The following USP25 variants were observed in gnomAD, a reference collection of about 807,000 sequenced individuals.
The protein encoded by USP25 is ubiquitin carboxyl-terminal hydrolase 25.
USP25 carries 85 observed loss-of-function variants against 158.5 expected under a neutral mutation model. That is an observed-to-expected ratio of 0.54 (90% confidence interval 0.45 to 0.64). The LOEUF (loss-of-function observed/expected upper bound fraction) is 0.64. USP25 is among the 30% of genes least tolerant of loss of function. The pLI is 0.00. For synonymous variants in USP25, 464 were observed against 460.4 expected, an observed-to-expected ratio of 1.01 and a Z score of -0.10; for missense variants, 1,242 against 1,327.3, an observed-to-expected ratio of 0.94 and a Z score of 1.00.
intron 20 of USP25, among the ~76,000 whole-genome samples, chr21:15,850,425 A>G (rs892348625): frequency 3.9e-5 from 6 of 151,998 alleles, no homozygotes; most frequent in Non-Finnish European, 5.9e-5. Flanking sequence ...TGATTTACCC[A>G]CATCTTTTTC....
At chr21:15,818,063 A>G (rs990421765) in intron 9 of USP25, among the ~76,000 whole-genome samples, 7 of 152,134 alleles carry the variant, frequency 4.6e-5, no homozygotes, top group Non-Finnish European at 8.8e-5. Flanking sequence ...TTACTGCCTT[A>G]AAGTCTTCAT....
intron 4 of USP25, among the ~76,000 whole-genome samples, chr21:15,787,313 G>A (rs1847257514): frequency 6.6e-6 from 1 of 152,008 alleles, no homozygotes; most frequent in Admixed American, 6.6e-5. Flanking sequence ...CTGAACAAAA[G>A]GAACAAAAGG....
chr21:15,862,563 C>T (rs1477566346), intron 20 of USP25, among the ~76,000 whole-genome samples: 1 of 148,688 alleles, frequency 6.7e-6, no homozygotes, highest in Non-Finnish European at 1.5e-5. Context: ...TGGTCTCCCC[C>T]CTTCCCCGTT....
intron 4 of USP25, among the ~76,000 whole-genome samples, chr21:15,785,186 A>G (rs1244589464): frequency 6.6e-6 from 1 of 152,202 alleles, no homozygotes; most frequent in Non-Finnish European, 1.5e-5. Context: ...TAAAATAATC[A>G]ATTCACCAAG....
At chr21:15,752,343 G>C (rs1192670453) in intron 1 of USP25, among the ~76,000 whole-genome samples, 3 of 152,034 alleles carry the variant, frequency 2.0e-5, no homozygotes, top group African/African-American at 7.2e-5. Flanking sequence ...AGCCTCCTGA[G>C]TAGCTGGGAC....
intron 21 of USP25, among the ~76,000 whole-genome samples, chr21:15,865,521 T>A (rs2077089594): frequency 6.6e-6 from 1 of 152,216 alleles, no homozygotes; most frequent in African/African-American, 2.4e-5. Context: ...TGGCCACTAC[T>A]GTTTATATTA....
chr21:15,796,979 T>C (rs2035892612), intron 5 of USP25, among the ~76,000 whole-genome samples: 1 of 151,446 alleles, frequency 6.6e-6, no homozygotes, highest in African/African-American at 2.4e-5. Flanking sequence ...AAATGTAAAT[T>C]TCAGAATGGA....
chr21:15,877,224 A>G (rs1220993571), intron 24 of USP25: 1 of 152,226 alleles, frequency 6.6e-6, no homozygotes, highest in African/African-American at 2.4e-5. Flanking sequence ...CCTTGTACCA[A>G]ATTGTAAGCT....
Position 15,871,265 on chromosome 21 carries a change from G to A in USP25, c.2885+1118G>A, listed in dbSNP as rs1773913110. On this transcript the variant is annotated intron_variant, in intron 23 of 25. Transcript: ENST00000400183. ...TAATTTCACTTTAGTCATTGATGTAGAAAACTTACTTTGATCAATACCTCC... is the reference window on the plus strand; with the variant it reads ...TAATTTCACTTTAGTCATTGATGTAAAAAACTTACTTTGATCAATACCTCC... Among the ~76,000 whole-genome samples the A allele has an allele frequency of 2.0e-5, 3 of 152,106 alleles. No homozygotes were observed. In the South Asian group the frequency reaches 6.2e-4, roughly 32 times the overall value.
chr21:15,762,065 A>G (rs1032784441), intron 1 of USP25, among the ~76,000 whole-genome samples: 54 of 151,998 alleles, frequency 3.6e-4, no homozygotes, highest in African/African-American at 1.3e-3. Context: ...TTCATTCAGT[A>G]GTTTTATCAT....
At chr21:15,793,125 T>C (rs1351139882) in intron 5 of USP25, among the ~76,000 whole-genome samples, 1 of 151,678 alleles carries the variant, frequency 6.6e-6, no homozygotes, top group African/African-American at 2.4e-5. Flanking sequence ...CATGTTTTGC[T>C]GCCTGTGTTT....
intron 17 of USP25, among the ~76,000 whole-genome samples, chr21:15,839,640 A>G (rs938427074): frequency 2.6e-5 from 4 of 152,114 alleles, no homozygotes; most frequent in African/African-American, 9.7e-5. Context: ...GTTCTAGTAA[A>G]CATTTTTATT....
intron 1 of USP25, among the ~76,000 whole-genome samples, chr21:15,748,046 T>C (rs1259356659): frequency 6.6e-6 from 1 of 152,210 alleles, no homozygotes; most frequent in East Asian, 1.9e-4. Flanking sequence ...TATTGCCCTC[T>C]AAGTGTTTTC....
chr21:15,876,952 G>A (rs1170755768), intron 24 of USP25: 1 of 152,070 alleles, frequency 6.6e-6, no homozygotes, highest in Non-Finnish European at 1.5e-5. Flanking sequence ...TCTTATACCT[G>A]TATTTATCTC....
At chr21:15,787,425 TAGAG>T (rs554499280) in intron 4 of USP25, among the ~76,000 whole-genome samples, 100 of 152,036 alleles carry the variant, frequency 6.6e-4, no homozygotes, top group Non-Finnish European at 1.0e-3. Context: ...TGGAACAAAA[TAGAG>T]AGCCCAGAAA....
intron 1 of USP25, among the ~76,000 whole-genome samples, chr21:15,756,493 T>C (rs2033387281): frequency 6.6e-6 from 1 of 152,120 alleles, no homozygotes; most frequent in African/African-American, 2.4e-5. Flanking sequence ...ATCCCTTTTT[T>C]TGCATCCTCA....
chr21:15,799,185 G>T (rs1351290303), intron 5 of USP25, among the ~76,000 whole-genome samples: 2 of 151,176 alleles, frequency 1.3e-5, no homozygotes, highest in African/African-American at 4.8e-5. Context: ...ACTCCAGGAA[G>T]CCTTTCCATG....
intron 3 of USP25, among the ~76,000 whole-genome samples, chr21:15,775,847 A>C (rs1032982695): frequency 1.3e-5 from 2 of 149,814 alleles, no homozygotes; most frequent in Non-Finnish European, 3.0e-5. Context: ...GCCAGTGAAT[A>C]AGGAAGATAG....
chr21:15,870,735 T>C (rs1266856830), intron 23 of USP25, among the ~76,000 whole-genome samples: 1 of 152,234 alleles, frequency 6.6e-6, no homozygotes, highest in East Asian at 1.9e-4. Context: ...GTGATTGTTT[T>C]TTGAGAAAAT....
Sources: gnomAD v4.1 joint callset for allele counts (sites outside exome capture counted in the v4.1 genomes callset) on GRCh38, gnomAD v4.1.1 for gene constraint, MANE v1.5 for transcripts, NCBI Gene and HGNC (gene_info 2026-07-23, HGNC 2026-07-21) for gene names.